The following ENPEP variants were observed in gnomAD, a reference collection of about 807,000 sequenced individuals.
The protein encoded by ENPEP is glutamyl aminopeptidase, also known as AP-A.
Under a neutral mutation model 114.5 loss-of-function variants are expected in ENPEP, and 103 were observed. That is an observed-to-expected ratio of 0.90 (90% CI 0.77 to 1.06). The LOEUF is 1.06. ENPEP is among the 50% of genes least tolerant of loss of function. The pLI, the probability that ENPEP is intolerant of heterozygous loss-of-function variation, is 0.00. For missense variants in ENPEP, 1,196 were observed against 1,161.3 expected (o/e 1.03, Z -0.43); for synonymous variants, 420 against 422.0 (o/e 1.00, Z 0.06).
chr4:110,481,375 G>C lies in ENPEP; in HGVS notation c.644+4317G>C, dbSNP rs944343402. 2.0e-5 allele frequency among the ~76,000 whole-genome samples: 3 copies of C among 151,832 alleles called. No homozygotes were observed. The South Asian group carries it at 6.3e-4, about 32-fold the overall frequency. ...GCTTTCCGAGTAGCTGGGATTACAG[G>C]GTTTTCAGAGGCTTTTATATGATAA... On this transcript the variant is annotated intron_variant, in intron 1 of 19. Transcript: ENST00000265162.
chr4:110,498,907 TA>T (rs1384427985), intron 3 of ENPEP, among the ~76,000 whole-genome samples: 2 of 152,202 alleles, frequency 1.3e-5, no homozygotes, highest in African/African-American at 2.4e-5. Flanking sequence ...GACATCTCTT[TA>T]TTCTCTTTTC....
intron 1 of ENPEP, among the ~76,000 whole-genome samples, chr4:110,482,144 A>G (rs1006959772): frequency 6.6e-6 from 1 of 152,230 alleles, no homozygotes; most frequent in African/African-American, 2.4e-5. Flanking sequence ...TAACTCAACC[A>G]TCCACTTGGA....
intron 4 of ENPEP, among the ~76,000 whole-genome samples, chr4:110,508,580 G>A (rs1026417886): frequency 6.6e-6 from 1 of 152,218 alleles, no homozygotes; most frequent in African/African-American, 2.4e-5. Context: ...GGGAGGCCGA[G>A]GCGGGTGGAT....
At chr4:110,513,316 A>C (rs985315006) in intron 6 of ENPEP, 99 bp from the exon 7 acceptor site, 1 of 1,323,584 alleles carries the variant, frequency 7.6e-7, no homozygotes, top group African/African-American at 1.5e-5. Flanking sequence ...TAAGTCATTT[A>C]TATTTATTTT....
rs369676967 is a variant in ENPEP at position 110,559,523 on chromosome 4, G to A, written c.2643-124G>A. 49 of 674,514 alleles carry A rather than the reference G, an allele frequency of 7.3e-5. No homozygotes were observed. In the East Asian group the frequency reaches 1.2e-3, roughly 16 times the overall value. 41.8% of individuals were successfully genotyped at this position (674,514 alleles called of 1,614,324 possible). On this transcript the variant is annotated intron_variant, in intron 18 of 19. Coordinates refer to ENST00000265162, the MANE Select transcript of ENPEP (RefSeq NM_001977.4). The stretch of plus-strand genomic sequence containing the variant: ...TTTAAGTAAAATGGGTTTTCTTACT[G>A]TGTTTTGCTTACTTTGAAAGTTACT...
intron 6 of ENPEP, among the ~76,000 whole-genome samples, chr4:110,511,163 A>G (rs1725559211): frequency 6.6e-6 from 1 of 152,230 alleles, no homozygotes; most frequent in Admixed American, 6.5e-5. Flanking sequence ...GGACAGAACA[A>G]AAAAGTTAAA....
intron 1 of ENPEP, among the ~76,000 whole-genome samples, chr4:110,481,368 A>G (rs1229289253): frequency 6.6e-6 from 1 of 151,604 alleles, no homozygotes; most frequent in African/African-American, 2.4e-5. Context: ...AGTAGCTGGG[A>G]TTACAGGGTT....
rs746079965 is a variant in ENPEP, at chr4:110,559,650, T to C, written c.2646T>C (p.Tyr882=). ...QLNWDYLVNR[Y]TLNNRNLGRI... is the part of the protein sequence containing the mutation. ...TTTACTCTAAATTTCTCTCCAGATA[T>C]ACACTCAATAACAGAAACCTTGGCC... Residue 882 remains tyrosine, a synonymous_variant, in exon 19 of 20, where the codon TAT becomes TAC. Coordinates refer to ENST00000265162, the MANE Select transcript of ENPEP (RefSeq NM_001977.4). 1.1e-5 allele frequency: 18 copies of C among 1,611,084 alleles called. No homozygotes were observed. The highest frequency in any genetic ancestry group is 1.4e-5 in the Non-Finnish European group (17 of 1,177,330).
Position 110,476,317 on chromosome 4 carries a change from AT to A in ENPEP, c.-97del. ...GGGAAAAGCGAAAACAGGCTGCCAA[AT>A]CAGGGGATTCCTTCCAATTTAAAAA... On this transcript the variant is annotated 5_prime_UTR_variant, in exon 1 of 20. Coordinates refer to ENST00000265162, the MANE Select transcript of ENPEP (RefSeq NM_001977.4). 1 of 1,453,056 alleles carries A rather than the reference AT, an allele frequency of 6.9e-7. No homozygotes were observed. The allele number at this position is 1,453,056 out of a possible 1,614,324, so 90.0% of individuals were successfully genotyped here. A position where few individuals can be genotyped will look rare whatever the true frequency, so the allele number is the denominator to read the frequency against.
intron 1 of ENPEP, among the ~76,000 whole-genome samples, chr4:110,480,921 T>C (rs2110330825): frequency 6.6e-6 from 1 of 152,332 alleles, no homozygotes; most frequent in Middle Eastern, 3.4e-3. Context: ...TTTGGAATGT[T>C]TCTCTGACCA....
intron 10 of ENPEP, among the ~76,000 whole-genome samples, chr4:110,525,014 A>C (rs563879231): frequency 6.6e-6 from 1 of 152,316 alleles, no homozygotes; most frequent in East Asian, 1.9e-4. Flanking sequence ...GGCCTCTCAA[A>C]GTGTTAGGAT....
At chr4:110,495,310 A>G (rs1214510380) in intron 3 of ENPEP, among the ~76,000 whole-genome samples, 2 of 152,232 alleles carry the variant, frequency 1.3e-5, no homozygotes, top group Non-Finnish European at 2.9e-5. Context: ...TATATATAAA[A>G]TCATTTGAAG....
At chr4:110,519,028 T>C (rs189727522) in intron 8 of ENPEP, 1 of 452,386 alleles carries the variant, frequency 2.2e-6, no homozygotes, top group Non-Finnish European at 4.5e-6. Context: ...TGCAACTTTC[T>C]GTAATGAATA....
At position 110,476,290 on chromosome 4, in the gene ENPEP, G is replaced by A; in HGVS notation, c.-125G>A. On this transcript the variant is annotated 5_prime_UTR_variant, in exon 1 of 20. The change creates a new upstream start codon in the 5' untranslated region. Transcript: ENST00000265162. ...GGCGCAAGAAGCCAGAGAGAGGGGT[G>A]TGGGAAAAGCGAAAACAGGCTGCCA... The A allele has an allele frequency of 1.6e-6, 2 of 1,224,870 alleles. No individual in the cohort carries two copies. The highest frequency in any genetic ancestry group is 1.1e-6 in the Non-Finnish European group (1 of 888,268). 75.9% of individuals were successfully genotyped at this position (1,224,870 alleles called of 1,614,324 possible).
chr4:110,542,994 T>C, intron 12 of ENPEP, 21 bp from the exon 13 acceptor site: 1 of 1,612,546 alleles, frequency 6.2e-7, no homozygotes, highest in Non-Finnish European at 8.5e-7. Flanking sequence ...TGTTTTTATC[T>C]CTCTTTCTCC....
chr4:110,508,451 C>T (rs903709703), intron 4 of ENPEP, among the ~76,000 whole-genome samples: 8 of 152,144 alleles, frequency 5.3e-5, no homozygotes. Flanking sequence ...GAAAAGGAAA[C>T]TACTATTGTA....
intron 6 of ENPEP, among the ~76,000 whole-genome samples, chr4:110,511,820 G>A (rs924848895): frequency 2.7e-5 from 4 of 150,636 alleles, no homozygotes; most frequent in Non-Finnish European, 5.9e-5. Context: ...CTGGAGTGCA[G>A]TGGAGCAATC....
intron 18 of ENPEP, 58 bp from the exon 19 acceptor site, chr4:110,559,589 A>G: frequency 8.2e-7 from 1 of 1,212,232 alleles, no homozygotes; most frequent in Non-Finnish European, 1.2e-6. Context: ...CTGCATTTAG[A>G]GAAAATATGT....
chr4:110,532,993 A>G (rs1726464524), intron 11 of ENPEP: 2 of 390,148 alleles, frequency 5.1e-6, no homozygotes, highest in Non-Finnish European at 5.2e-6. Context: ...AGCACTGGTA[A>G]AAGACATAAT....
Sources: gnomAD v4.1 joint callset for allele counts (sites outside exome capture counted in the v4.1 genomes callset) on GRCh38, gnomAD v4.1.1 for gene constraint, MANE v1.5 for transcripts, NCBI Gene and HGNC (gene_info 2026-07-23, HGNC 2026-07-21) for gene names.